Variants in BAIAP2 observed in about 807,000 individuals in gnomAD.
BAIAP2 encodes the protein BAR/IMD domain-containing adapter protein 2.
A neutral mutation model predicts 63.0 loss-of-function variants in BAIAP2; 18 were observed. The observed-to-expected ratio is 0.29, with a 90% CI of 0.20 to 0.42. The LOEUF (loss-of-function observed/expected upper bound fraction) is 0.42, where lower values mean the gene tolerates loss of function less well. Among genes scored for constraint, BAIAP2 ranks in the 10% least tolerant of loss-of-function variants. The pLI is 1.00. For synonymous variants in BAIAP2, 386 were observed against 307.6 expected (o/e 1.25, Z -2.67); for missense variants, 610 against 734.3 (o/e 0.83, Z 1.96).
At chr17:81,047,047 G>A (rs1000563947) in intron 1 of BAIAP2, among the ~76,000 whole-genome samples, 1 of 152,226 alleles carries the variant, frequency 6.6e-6, no homozygotes, top group Non-Finnish European at 1.5e-5. Flanking sequence ...CTGGTCCGTG[G>A]GCGAGGGAGT....
At chr17:81,092,245 G>C (rs1006967779) in intron 6 of BAIAP2, among the ~76,000 whole-genome samples, 1 of 152,250 alleles carries the variant, frequency 6.6e-6, no homozygotes, top group African/African-American at 2.4e-5. Context: ...CAGCGAGGCT[G>C]GGCCCATGGC....
intron 6 of BAIAP2, among the ~76,000 whole-genome samples, 183 bp from the exon 7 acceptor site, chr17:81,099,745 C>T (rs560854694): frequency 1.8e-4 from 27 of 152,108 alleles, no homozygotes; most frequent in Non-Finnish European, 2.8e-4. Context: ...TGAGTGGTCC[C>T]GGGGTAGCTG....
Position 81,068,263 on chromosome 17 carries a change from A to G in BAIAP2, c.217+10296A>G, listed in dbSNP as rs145639570. ...GCTGAGAAACTCTCTCCCAGGAGCA[A>G]TGTTCCCTCCTGGTCAATAATCAGT... On this transcript the variant is annotated intron_variant, in intron 3 of 13. Transcript: ENST00000428708. Among the ~76,000 whole-genome samples the G allele has an allele frequency of 6.5e-4, 99 of 152,318 alleles. 1 individual carries two copies. In the East Asian group the frequency reaches 0.015, roughly 24 times the overall value.
In BAIAP2 at chr17:81,104,734, C is replaced by T. The variant is rs373461857; in HGVS notation, c.1268+19C>T. ...CCAAGATGTGAGTGTTTCTCGGGGG[C>T]GGGCTCCAGGCAGCCGCTGCCTTCA... On this transcript the variant is annotated intron_variant, in intron 10 of 13. Coordinates refer to ENST00000428708, the MANE Select transcript of BAIAP2 (RefSeq NM_001144888.2). The T allele has an allele frequency of 1.7e-5, 27 of 1,545,804 alleles. No homozygotes were observed. The highest frequency in any genetic ancestry group is 1.8e-4 in the Middle Eastern group (1 of 5,486).
In BAIAP2 at chr17:81,116,461, A is replaced by AGGAG; in HGVS notation, c.*624_*625insAGGG. 1 of 927,882 alleles carries AGGAG rather than the reference A, an allele frequency of 1.1e-6. No individual in the cohort carries two copies. The highest frequency in any genetic ancestry group is 1.6e-6 in the Non-Finnish European group (1 of 636,928). The allele number at this position is 927,882 out of a possible 1,614,324, so 57.5% of individuals were successfully genotyped here. A position where few individuals can be genotyped will look rare whatever the true frequency, so the allele number is the denominator to read the frequency against. On this transcript the variant is annotated 3_prime_UTR_variant, in exon 14 of 14. Coordinates refer to ENST00000428708, the MANE Select transcript of BAIAP2 (RefSeq NM_001144888.2). The stretch of plus-strand genomic sequence containing the variant: ...TCCCCAGGCCCCTCCTGCCTCGGGC[A>AGGAG]GGCCCCAGCCCTCCTCCTTACCCAA...
chr17:81,113,400 C>G (rs2060134473), intron 13 of BAIAP2, among the ~76,000 whole-genome samples: 1 of 152,246 alleles, frequency 6.6e-6, no homozygotes, highest in Non-Finnish European at 1.5e-5. Flanking sequence ...CGTGTGGTGA[C>G]CTTGCAGTGG....
chr17:81,051,681 C>T (rs1054676492), intron 1 of BAIAP2, among the ~76,000 whole-genome samples: 29 of 151,902 alleles, frequency 1.9e-4, no homozygotes, highest in African/African-American at 7.0e-4. Flanking sequence ...CGTGAGCCAC[C>T]GTGTCCGGCC....
At chr17:81,054,865 C>A (rs2049212033) in intron 2 of BAIAP2, among the ~76,000 whole-genome samples, 4 of 152,172 alleles carry the variant, frequency 2.6e-5, no homozygotes, top group Admixed American at 2.6e-4. Flanking sequence ...AGATGCCCTT[C>A]TCACCTGCCC....
chr17:81,100,583 G>A (rs566862400), intron 7 of BAIAP2, among the ~76,000 whole-genome samples: 1 of 152,204 alleles, frequency 6.6e-6, no homozygotes, highest in Admixed American at 6.5e-5. Context: ...CCCAAGCCTG[G>A]GTCCCCAGCC....
chr17:81,057,518 T>C, intron 2 of BAIAP2: 1 of 449,692 alleles, frequency 2.2e-6, no homozygotes, highest in Non-Finnish European at 3.0e-6. Context: ...TGCAGTTTCC[T>C]TGCCCAGGGT....
chr17:81,096,977 AGAG>A (rs202204731), intron 6 of BAIAP2, among the ~76,000 whole-genome samples: 17 of 151,920 alleles, frequency 1.1e-4, no homozygotes, highest in East Asian at 9.7e-4. Flanking sequence ...AGGAGAAAGG[AGAG>A]GAGGAGGAGG....
At chr17:81,111,514 C>T (rs1385892540) in intron 13 of BAIAP2, among the ~76,000 whole-genome samples, 1 of 152,226 alleles carries the variant, frequency 6.6e-6, no homozygotes, top group Non-Finnish European at 1.5e-5. Flanking sequence ...CCCCCAAGCC[C>T]CACAACGTGG....
At chr17:81,061,917 C>T (rs959603400) in intron 3 of BAIAP2, among the ~76,000 whole-genome samples, 1 of 152,142 alleles carries the variant, frequency 6.6e-6, no homozygotes, top group Non-Finnish European at 1.5e-5. Flanking sequence ...TGCTTTCAGT[C>T]TGGTGGGCCT....
At position 81,046,689 on chromosome 17, in the gene BAIAP2, G is replaced by A. The variant is rs748018866; in HGVS notation, c.55-6979G>A. ...AGCAAGCTCTGAGGTGTCCTCCCGC[G>A]AGGACACTGTCCACTGCTGCAGGGC... is the stretch of plus-strand genomic sequence containing the variant. On this transcript the variant is annotated intron_variant, in intron 1 of 13. Coordinates refer to ENST00000428708, the MANE Select transcript of BAIAP2 (RefSeq NM_001144888.2). This position sits in a 1 kb window ranked among gnomAD's most constrained non-coding sequence, Gnocchi z 4.5. Among the ~76,000 whole-genome samples the A allele has an allele frequency of 7.9e-5, 12 of 152,150 alleles. No individual in the cohort carries two copies. Among genetic ancestry groups the A allele is most frequent in the Non-Finnish European group, 1.3e-4 (9 of 68,018 alleles).
rs199796336 is a variant in BAIAP2, at chr17:81,108,495, G to T, written c.1521G>T (p.Ala507=). 3.1e-6 allele frequency: 5 copies of T among 1,613,890 alleles called. No individual in the cohort carries two copies. The highest frequency in any genetic ancestry group is 4.2e-6 in the Non-Finnish European group (5 of 1,180,016). ...AFSQGLDDYG[A]RSMSRNPFAH... ...CCCAGGGCCTGGATGACTATGGAGCGCGGTCCATGAGCAGGTAAGGGGACT... is the reference window on the plus strand; with the variant it reads ...CCCAGGGCCTGGATGACTATGGAGCTCGGTCCATGAGCAGGTAAGGGGACT... Residue 507 remains alanine, a synonymous_variant, in exon 13 of 14, where the codon GCG becomes GCT. Coordinates refer to ENST00000428708, the MANE Select transcript of BAIAP2 (RefSeq NM_001144888.2).
At chr17:81,105,933 C>T in intron 10 of BAIAP2, 145 bp from the exon 11 acceptor site, 3 of 676,300 alleles carry the variant, frequency 4.4e-6, no homozygotes, top group East Asian at 2.8e-5. Context: ...CGGTCTTTGT[C>T]TCCCTGGAGC....
chr17:81,067,972 G>A (rs948653293), intron 3 of BAIAP2, among the ~76,000 whole-genome samples: 5 of 152,248 alleles, frequency 3.3e-5, no homozygotes, highest in Admixed American at 6.5e-5. Context: ...GGCTGCCTCC[G>A]ATGTGGCCCC....
At chr17:81,095,462 G>A (rs1272681122) in intron 6 of BAIAP2, among the ~76,000 whole-genome samples, 1 of 152,178 alleles carries the variant, frequency 6.6e-6, no homozygotes, top group East Asian at 1.9e-4. Context: ...AGATTTCCAG[G>A]ATCTGCCCTG....
At chr17:81,057,843 C>G in intron 2 of BAIAP2, 38 bp from the exon 3 acceptor site, 1 of 1,596,836 alleles carries the variant, frequency 6.3e-7, no homozygotes, top group African/African-American at 1.3e-5. Context: ...GTCTGTCCCT[C>G]GTGGAGGAAA....
Sources: allele counts gnomAD v4.1 joint callset (sites outside exome capture counted in the v4.1 genomes callset), GRCh38; gene constraint gnomAD v4.1.1; non-coding constraint Gnocchi (gnomAD v3.1); transcripts MANE v1.5; gene names NCBI Gene and HGNC (gene_info 2026-07-23, HGNC 2026-07-21).